SIK2: variants seen among roughly 807,000 people sequenced by gnomAD.
SIK2 encodes salt inducible kinase 2, also known as serine/threonine-protein kinase SIK2.
Under a neutral mutation model 103.2 loss-of-function variants are expected in SIK2, and 29 were observed. The observed-to-expected ratio is 0.28, with a 90% CI of 0.21 to 0.38. The LOEUF is 0.38. Among genes scored for constraint, SIK2 ranks in the 10% least tolerant of loss-of-function variants. The pLI, the probability that SIK2 is intolerant of heterozygous loss-of-function variation, is 1.00. For missense variants in SIK2, 879 were observed against 1,171.0 expected, an observed-to-expected ratio of 0.75 and a Z score of 3.64; for synonymous variants, 412 against 446.1, an observed-to-expected ratio of 0.92 and a Z score of 0.96.
At position 111,703,207 on chromosome 11, in the gene SIK2, C is replaced by T. The variant is rs149355401; in HGVS notation, c.732C>T (p.Cys244=). 23 of 1,613,622 alleles carry T rather than the reference C, an allele frequency of 1.4e-5. No individual in the cohort carries two copies. The highest frequency in any genetic ancestry group is 8.0e-5 in the African/African-American group (6 of 74,894). ...FRIPYFMSED[C]EHLIRRMLVL... ...GTAACATTGTGTTTTCTATAGATTGCGAGCACCTTATCCGAAGGATGTTGG... is the reference window on the plus strand; with the variant it reads ...GTAACATTGTGTTTTCTATAGATTGTGAGCACCTTATCCGAAGGATGTTGG... Residue 244 remains cysteine, a synonymous_variant, in exon 7 of 15, where the codon TGC becomes TGT. Coordinates refer to ENST00000304987, the MANE Select transcript of SIK2 (RefSeq NM_015191.3).
At chr11:111,678,340 A>G (rs569489371) in intron 3 of SIK2, among the ~76,000 whole-genome samples, 1 of 152,338 alleles carries the variant, frequency 6.6e-6, no homozygotes, top group Admixed American at 6.5e-5. Context: ...CATGAGGCCA[A>G]AGTGCCAAGC....
chr11:111,707,696 C>A lies in SIK2; in HGVS notation c.1101+2557C>A, dbSNP rs538179740. Among the ~76,000 whole-genome samples, 4 of 152,274 alleles carry A rather than the reference C, an allele frequency of 2.6e-5. No individual in the cohort carries two copies. The South Asian group carries it at 8.3e-4, about 32-fold the overall frequency. On this transcript the variant is annotated intron_variant, in intron 8 of 14. Transcript: ENST00000304987. ...GCCTAAAGTTTTAGTAAAGGCTTCT[C>A]ACTTTAATTCCTTGATGTTCTAATT... is the stretch of plus-strand genomic sequence containing the variant.
At chr11:111,717,192 T>C (rs1943666738) in intron 9 of SIK2, among the ~76,000 whole-genome samples, 1 of 151,480 alleles carries the variant, frequency 6.6e-6, no homozygotes, top group Admixed American at 6.6e-5. Context: ...GATGGGCGCC[T>C]GTAGTCCCAG....
chr11:111,697,569 T>C (rs570358165), intron 4 of SIK2, among the ~76,000 whole-genome samples: 1 of 152,216 alleles, frequency 6.6e-6, no homozygotes. Context: ...ATTTTTCAAA[T>C]GAGGAAACCA....
chr11:111,653,252 AG>A (rs1042075536), intron 3 of SIK2, among the ~76,000 whole-genome samples: 4 of 152,236 alleles, frequency 2.6e-5, no homozygotes, highest in Admixed American at 6.5e-5. Context: ...ATGAAAAGAC[AG>A]TTTAGTTGGA....
intron 1 of SIK2, among the ~76,000 whole-genome samples, chr11:111,603,729 C>T (rs1319762072): frequency 2.0e-5 from 3 of 152,146 alleles, no homozygotes; most frequent in African/African-American, 7.2e-5. Flanking sequence ...GTGGTTTTGA[C>T]GTACTCTACT....
intron 3 of SIK2, among the ~76,000 whole-genome samples, chr11:111,681,794 C>G (rs2135888492): frequency 6.6e-6 from 1 of 152,332 alleles, no homozygotes; most frequent in Non-Finnish European, 1.5e-5. Context: ...CACAATTTTG[C>G]AACCCCTAAT....
rs147706786 is a variant in SIK2 at position 111,719,942 on chromosome 11, C to T, written c.1434C>T (p.Ser478=). ...TTGAGGCATTTCAGTCCACACGCAG[C>T]GGGCAGAGACGGCACACTCTGTCAG... ...HAFEAFQSTR[S]GQRRHTLSEV... is the part of the protein sequence containing the mutation. Residue 478 remains serine (S), a synonymous_variant, in exon 10 of 15, where the codon AGC becomes AGT. Transcript: ENST00000304987. 138 of 1,614,096 alleles carry T rather than the reference C, an allele frequency of 8.5e-5. No individual in the cohort carries two copies. Among genetic ancestry groups the T allele is most frequent in the Admixed American group, 1.5e-4 (9 of 60,018 alleles).
chr11:111,651,667 C>T (rs904112556), intron 3 of SIK2, among the ~76,000 whole-genome samples: 3 of 152,174 alleles, frequency 2.0e-5, no homozygotes, highest in Admixed American at 6.5e-5. Flanking sequence ...ACATCCTGCA[C>T]GTGTATCCCA....
At chr11:111,696,727 T>C (rs1591623760) in intron 4 of SIK2, among the ~76,000 whole-genome samples, 1 of 152,350 alleles carries the variant, frequency 6.6e-6, no homozygotes, top group African/African-American at 2.4e-5. Context: ...TTTGTGTTGT[T>C]GCAAGACTTC....
In SIK2 at chr11:111,712,380, GGC is replaced by G. The variant is rs1565382897; in HGVS notation, c.1266+6_1266+7del. The G allele has an allele frequency of 6.2e-7, 1 of 1,612,052 alleles. No individual in the cohort carries two copies. The highest frequency in any genetic ancestry group is 1.1e-5 in the South Asian group (1 of 90,936). ...GAGTGTGTGGACACTCCAAAGGTAC[GGC>G]TATGTTTGAGAGTCTCAGAACTGGC... On this transcript the variant is annotated splice_donor_region_variant and intron_variant, in intron 9 of 14. Coordinates refer to ENST00000304987, the MANE Select transcript of SIK2 (RefSeq NM_015191.3).
intron 3 of SIK2, among the ~76,000 whole-genome samples, chr11:111,643,079 T>A (rs1487439464): frequency 1.3e-5 from 2 of 152,184 alleles, no homozygotes; most frequent in Admixed American, 6.5e-5. Flanking sequence ...CTCATGGTTT[T>A]GTCTATTGTA....
chr11:111,623,854 G>T (rs1941926669), intron 3 of SIK2, among the ~76,000 whole-genome samples: 1 of 152,102 alleles, frequency 6.6e-6, no homozygotes, highest in Non-Finnish European at 1.5e-5. Context: ...CTCTTATCTG[G>T]GACTCTCAGC....
intron 3 of SIK2, among the ~76,000 whole-genome samples, chr11:111,650,598 A>AT (rs35381359): frequency 1.3e-5 from 2 of 150,984 alleles, no homozygotes; most frequent in Admixed American, 6.6e-5. Context: ...ATATATAAAC[A>AT]TTTTTTTGAT....
rs1374841008 is a variant in SIK2 at position 111,722,845 on chromosome 11, G to A, written c.2147+89G>A. The A allele has an allele frequency of 5.0e-6, 6 of 1,201,100 alleles. No homozygotes were observed. Among genetic ancestry groups the A allele is most frequent in the East Asian group, 4.7e-5 (2 of 42,300 alleles). 74.4% of individuals were successfully genotyped at this position (1,201,100 alleles called of 1,614,324 possible). On this transcript the variant is annotated intron_variant, in intron 14 of 14. Transcript: ENST00000304987. This position sits in a 1 kb window ranked among gnomAD's most constrained non-coding sequence, Gnocchi z 4.4. ...GTGTTGTCCTTTTCCTCTCACATTC[G>A]CCACTACTAGGAAAATAGGTTTTCT...
chr11:111,612,656 C>T (rs982412701), intron 1 of SIK2, among the ~76,000 whole-genome samples: 4 of 152,184 alleles, frequency 2.6e-5, no homozygotes, highest in Admixed American at 6.5e-5. Context: ...GAATGGAGAC[C>T]GCCTTCAGGT....
At chr11:111,620,159 C>T (rs2135839798) in intron 2 of SIK2, among the ~76,000 whole-genome samples, 180 bp from the exon 3 acceptor site, 1 of 152,306 alleles carries the variant, frequency 6.6e-6, no homozygotes, top group South Asian at 2.1e-4. Context: ...GCAAGGATCT[C>T]AATTTTTCAC....
chr11:111,669,745 C>A (rs1942599561), intron 3 of SIK2, among the ~76,000 whole-genome samples: 1 of 152,094 alleles, frequency 6.6e-6, no homozygotes, highest in African/African-American at 2.4e-5. Context: ...GACTTTTTGG[C>A]CTTTAGACCC....
chr11:111,668,261 G>A (rs185627334), intron 3 of SIK2, among the ~76,000 whole-genome samples: 233 of 152,224 alleles, frequency 1.5e-3, no homozygotes, highest in African/African-American at 4.4e-3. Flanking sequence ...AGACACTTCC[G>A]TGTAAATGCT....
Sources: gnomAD v4.1 joint callset for allele counts (sites outside exome capture counted in the v4.1 genomes callset) on GRCh38, gnomAD v4.1.1 for gene constraint, Gnocchi (gnomAD v3.1) non-coding constraint, MANE v1.5 for transcripts, NCBI Gene and HGNC (gene_info 2026-07-23, HGNC 2026-07-21) for gene names.